The following CEP83 variants were observed in gnomAD, a reference collection of about 807,000 sequenced individuals.
CEP83 encodes centrosomal protein of 83 kDa.
A neutral mutation model predicts 101.9 loss-of-function variants in CEP83; 70 were observed. That is an observed-to-expected ratio of 0.69 (90% CI 0.57 to 0.84). The LOEUF (loss-of-function observed/expected upper bound fraction) is 0.84, where lower values mean the gene tolerates loss of function less well. Ranked by LOEUF, CEP83 falls within the 40% of genes least tolerant of loss-of-function variation. The probability of loss-of-function intolerance (pLI) is 0.00; values close to 1 mark genes in which losing one functional copy is unlikely to be tolerated. For missense variants in CEP83, 715 were observed against 787.2 expected (o/e 0.91, Z 1.10); for synonymous variants, 264 against 267.9 (o/e 0.99, Z 0.14).
chr12:94,378,693 C>T (rs1267562091), intron 7 of CEP83, 98 bp downstream of exon 7: 14 of 1,300,312 alleles, frequency 1.1e-5, no homozygotes, highest in Non-Finnish European at 1.5e-5. Flanking sequence ...TCAGCATTAG[C>T]TTGGGGGGCA....
At chr12:94,292,213 A>G in the CEP83 span, among the ~76,000 whole-genome samples, 1 of 152,222 alleles carries the variant, frequency 6.6e-6, no homozygotes, top group Non-Finnish European at 1.5e-5. Flanking sequence ...GTATGATTCT[A>G]TTTATATGAT....
At chr12:94,449,779 TAAAAAAAAAAAAAAAA>T (rs71071787) in intron 1 of CEP83, among the ~76,000 whole-genome samples, 14 of 48,570 alleles carry the variant, frequency 2.9e-4, no homozygotes, top group South Asian at 1.9e-3. Flanking sequence ...TCTCAAACAA[TAAAAAAAAAAAAAAAA>T]AAAAAAAAAA....
chr12:94,310,993 A>G (rs574512507), intron 15 of CEP83, among the ~76,000 whole-genome samples: 1 of 152,282 alleles, frequency 6.6e-6, no homozygotes, highest in African/African-American at 2.4e-5. Context: ...GTCACCAGAA[A>G]GACTGAGGCA....
At chr12:94,378,652 GAATAAATACTCT>G (rs2061675141) in intron 7 of CEP83, 127 bp downstream of exon 7, 22 of 912,806 alleles carry the variant, frequency 2.4e-5, no homozygotes, top group Non-Finnish European at 3.6e-5. Context: ...TTTACTAAAA[GAATAAATACTCT>G]TGGGATTACA....
rs182304873 is a variant in CEP83 at position 94,425,059 on chromosome 12, G to A, written c.-102+10216C>T. ...ACGGGGAGGGAGGGAGGAGGGGATC[G>A]AGGGAAAGGGGGAGAGGGAGGGAGG... is the stretch of plus-strand genomic sequence containing the variant. On this transcript the variant is annotated intron_variant, in intron 2 of 16. Coordinates refer to ENST00000397809, the MANE Select transcript of CEP83 (RefSeq NM_016122.3). 158 of 458,892 alleles carry A rather than the reference G, an allele frequency of 3.4e-4. 3 individuals are homozygous for A. The East Asian group carries it at 0.013, about 37-fold the overall frequency. 28.4% of individuals were successfully genotyped at this position (458,892 alleles called of 1,614,324 possible). A position where few individuals can be genotyped will look rare whatever the true frequency, so the allele number is the denominator to read the frequency against.
At chr12:94,398,590 T>C (rs1432876385) in intron 6 of CEP83, among the ~76,000 whole-genome samples, 1 of 152,126 alleles carries the variant, frequency 6.6e-6, no homozygotes, top group Non-Finnish European at 1.5e-5. Context: ...AAAACGTGTG[T>C]TTGAACAATA....
downstream of CEP83, chr12:94,306,552 A>T (rs545441695): frequency 1.3e-4 from 20 of 152,340 alleles, no homozygotes; most frequent in Admixed American, 3.9e-4. Flanking sequence ...AGAAGAAGTA[A>T]ACAGCATAAT....
chr12:94,376,690 T>TACACACACACACACACAC (rs533315599), intron 7 of CEP83, among the ~76,000 whole-genome samples: 1 of 117,386 alleles, frequency 8.5e-6, no homozygotes, highest in African/African-American at 3.4e-5. Flanking sequence ...TATACATATA[T>TACACACACACACACACAC]ACACACACAC....
intron 11 of CEP83, among the ~76,000 whole-genome samples, chr12:94,349,502 A>G (rs1029761273): frequency 6.6e-6 from 1 of 152,174 alleles, no homozygotes; most frequent in Non-Finnish European, 1.5e-5. Flanking sequence ...CACCATATTA[A>G]AAGAATGAAG....
chr12:94,331,820 T>C lies in CEP83; in HGVS notation c.1587A>G (p.Glu529=). 1.2e-6 allele frequency: 2 copies of C among 1,612,620 alleles called. No individual in the cohort carries two copies. Among genetic ancestry groups the C allele is most frequent in the Non-Finnish European group, 1.7e-6 (2 of 1,178,614 alleles). The part of the protein sequence containing the change: ...KAQLEAEKTL[E]EKQIQWLEEK... ...CTTCCAACCACTGTATCTGTTTCTCTTCCAATGTCCTGTCAGAAGAATGTA... is the reference window on the plus strand; with the variant it reads ...CTTCCAACCACTGTATCTGTTTCTCCTCCAATGTCCTGTCAGAAGAATGTA... The change falls in exon 14 of 17, where the codon GAA becomes GAG. Residue 529 remains glutamate (E), a synonymous_variant. Transcript: ENST00000397809.
chr12:94,291,749 C>G, the CEP83 span, among the ~76,000 whole-genome samples: 1 of 152,120 alleles, frequency 6.6e-6, no homozygotes, highest in Non-Finnish European at 1.5e-5. Context: ...ATAAATTTGC[C>G]CATTTTGGAC....
intron 11 of CEP83, among the ~76,000 whole-genome samples, chr12:94,339,416 A>G (rs1199057805): frequency 6.6e-6 from 1 of 152,138 alleles, no homozygotes; most frequent in Admixed American, 6.5e-5. Context: ...GCCTTCCAAT[A>G]TGATAGTCAC....
At chr12:94,423,684 G>T (rs1178022322) in intron 2 of CEP83, 2 of 1,584,478 alleles carry the variant, frequency 1.3e-6, no homozygotes, top group African/African-American at 2.7e-5. Context: ...GAATTTGGGA[G>T]CATGAGTATC....
chr12:94,282,101 T>C, the CEP83 span: 1 of 514,034 alleles, frequency 1.9e-6, no homozygotes. Flanking sequence ...AGAAGTGGTT[T>C]GAAACATCAG....
chr12:94,395,923 G>A (rs1397822079), intron 6 of CEP83, among the ~76,000 whole-genome samples: 1 of 152,174 alleles, frequency 6.6e-6, no homozygotes, highest in African/African-American at 2.4e-5. Context: ...ATAAAGCCAA[G>A]GAAGAGCACA....
intron 1 of CEP83, among the ~76,000 whole-genome samples, chr12:94,437,379 C>T (rs1257937185): frequency 6.6e-6 from 1 of 152,020 alleles, no homozygotes; most frequent in Non-Finnish European, 1.5e-5. Flanking sequence ...ATACAAGAAG[C>T]TCAAAGAACA....
chr12:94,275,579 C>A, the CEP83 span, among the ~76,000 whole-genome samples: 279 of 86,294 alleles, frequency 3.2e-3, 62 homozygotes, highest in African/African-American at 0.014. Flanking sequence ...TTTGGCCGGG[C>A]GCGGTGGCTC....
At chr12:94,430,583 G>A (rs1396929912) in intron 2 of CEP83, among the ~76,000 whole-genome samples, 2 of 151,968 alleles carry the variant, frequency 1.3e-5, no homozygotes, top group East Asian at 3.9e-4. Flanking sequence ...AAAAGGTAAA[G>A]AATAAAAAAC....
chr12:94,283,165 G>A, the CEP83 span, among the ~76,000 whole-genome samples: 2 of 150,590 alleles, frequency 1.3e-5, no homozygotes, highest in Admixed American at 6.6e-5. Context: ...AAAAAAGGAC[G>A]GAGAGACAAG....
Sources: allele counts gnomAD v4.1 joint callset (sites outside exome capture counted in the v4.1 genomes callset), GRCh38; gene constraint gnomAD v4.1.1; transcripts MANE v1.5; gene names NCBI Gene and HGNC (gene_info 2026-07-23, HGNC 2026-07-21).